The following PDE10A variants were observed in gnomAD, a reference collection of about 807,000 sequenced individuals.
PDE10A encodes the protein cAMP and cAMP-inhibited cGMP 3',5'-cyclic phosphodiesterase 10A.
PDE10A carries 39 observed loss-of-function variants against 97.7 expected under a neutral mutation model. That is an observed-to-expected ratio of 0.40 (90% CI 0.31 to 0.52). The LOEUF (loss-of-function observed/expected upper bound fraction) is 0.52, where lower values mean the gene tolerates loss of function less well. PDE10A is among the 20% of genes least tolerant of loss of function. The probability of loss-of-function intolerance (pLI) is 0.56; values close to 1 mark genes in which losing one functional copy is unlikely to be tolerated. For synonymous variants in PDE10A, 371 were observed against 376.8 expected (o/e 0.98, Z 0.18); for missense variants, 731 against 1,047.8 (o/e 0.70, Z 4.17).
intron 1 of PDE10A, among the ~76,000 whole-genome samples, chr6:165,686,128 T>C (rs990751442): frequency 1.7e-4 from 14 of 83,816 alleles, no homozygotes; most frequent in Non-Finnish European, 2.8e-4. Flanking sequence ...TAAATGTGCA[T>C]GGACACACAC....
chr6:165,898,849 G>A (rs1401609859), intron 1 of PDE10A, among the ~76,000 whole-genome samples: 2 of 152,162 alleles, frequency 1.3e-5, no homozygotes, highest in Non-Finnish European at 2.9e-5. Context: ...ACTCGGCCAA[G>A]TGCTGTCCCT....
chr6:165,791,637 C>T (rs62427294), intron 1 of PDE10A, among the ~76,000 whole-genome samples: 22,326 of 152,124 alleles, frequency 0.15, 1,876 homozygotes, highest in Non-Finnish European at 0.2. Flanking sequence ...AGACACGGCT[C>T]GTTTCTAGGG....
At chr6:165,755,554 G>A (rs73030249) in intron 1 of PDE10A, among the ~76,000 whole-genome samples, 2 of 152,148 alleles carry the variant, frequency 1.3e-5, no homozygotes, top group Admixed American at 1.3e-4. Flanking sequence ...TCAAATAAGC[G>A]TCAAAGCTGT....
intron 1 of PDE10A, among the ~76,000 whole-genome samples, chr6:165,938,062 A>C (rs1458012386): frequency 6.6e-6 from 1 of 152,228 alleles, no homozygotes; most frequent in Non-Finnish European, 1.5e-5. Context: ...CCAAAGCTGG[A>C]CTGTCAGTAT....
At chr6:165,612,377 AT>A (rs200018373) in intron 1 of PDE10A, among the ~76,000 whole-genome samples, 19,379 of 147,868 alleles carry the variant, frequency 0.13, 1,250 homozygotes, top group East Asian at 0.19. Context: ...ATAAACACAG[AT>A]TTTTTTTTTT....
chr6:165,476,173 A>AT (rs1779284396), intron 3 of PDE10A, among the ~76,000 whole-genome samples: 4 of 152,232 alleles, frequency 2.6e-5, no homozygotes, highest in Non-Finnish European at 5.9e-5. Context: ...GAAGAAAAAA[A>AT]AAAACCAAAA....
At chr6:165,619,424 GTAGTATAGTGTAGTGTAGTATAGTC>G (rs1562634820) in intron 1 of PDE10A, among the ~76,000 whole-genome samples, 3 of 113,286 alleles carry the variant, frequency 2.6e-5, no homozygotes, top group East Asian at 2.4e-4. Context: ...GTAGTGTAGT[GTAGTATAGTGTAGTGTAGTATAGTC>G]TAGTGTAGTG....
In PDE10A at chr6:165,711,453, G is replaced by C. The variant is rs1196087430; in HGVS notation, c.-614-167885C>G. On this transcript the variant is annotated intron_variant, in intron 1 of 19. Coordinates refer to the PDE10A transcript ENST00000366882. The surrounding 1 kb of genome is among the most constrained non-coding windows in gnomAD (Gnocchi z 4.5). The stretch of plus-strand genomic sequence containing the variant: ...ATGTTAGCTAGAACACCCTGCTTCT[G>C]GTCTTGTCTGGTGGACTCTGCGAGT... Among the ~76,000 whole-genome samples the C allele has an allele frequency of 6.6e-6, 1 of 152,184 alleles. No homozygotes were observed. The highest frequency in any genetic ancestry group is 1.5e-5 in the Non-Finnish European group (1 of 68,022).
Position 165,532,336 on chromosome 6 carries a change from G to C in PDE10A, c.994+11104C>G, listed in dbSNP as rs539593153. On this transcript the variant is annotated intron_variant, in intron 2 of 21. Coordinates refer to ENST00000539869, the MANE Select transcript of PDE10A (RefSeq NM_001385079.1). ...CTATTGCTAGATAAGCGCATATCTA[G>C]TATGTGCGTAACGCTTGCTAAGCAT... Among the ~76,000 whole-genome samples, 62 of 151,296 alleles carry C rather than the reference G, an allele frequency of 4.1e-4. 1 individual carries two copies. In the South Asian group the frequency reaches 0.012, roughly 29 times the overall value.
chr6:165,416,836 A>C lies in PDE10A; in HGVS notation c.1797-555T>G, dbSNP rs573053856. ...TTCAAGCACTATACAGAAATAACGCAATGTACAACTTCTAGTATTTTTACC... is the reference window on the plus strand; with the variant it reads ...TTCAAGCACTATACAGAAATAACGCCATGTACAACTTCTAGTATTTTTACC... On this transcript the variant is annotated intron_variant, in intron 11 of 21. Transcript: ENST00000539869. 2.6e-5 allele frequency among the ~76,000 whole-genome samples: 4 copies of C among 152,348 alleles called. No homozygotes were observed. In the East Asian group the frequency reaches 7.7e-4, roughly 29 times the overall value.
intron 3 of PDE10A, among the ~76,000 whole-genome samples, chr6:165,466,052 T>C (rs190312019): frequency 2.6e-5 from 4 of 152,290 alleles, no homozygotes; most frequent in African/African-American, 9.6e-5. Context: ...CATGTCGAAG[T>C]AGAAAGCACA....
At chr6:165,953,927 T>C (rs991652698) in intron 1 of PDE10A, among the ~76,000 whole-genome samples, 2 of 152,146 alleles carry the variant, frequency 1.3e-5, no homozygotes, top group Non-Finnish European at 2.9e-5. Flanking sequence ...CATCTCTCCA[T>C]CCTCCCGAGC....
At position 165,460,121 on chromosome 6, in the gene PDE10A, G is replaced by T. The variant is rs144317781; in HGVS notation, c.1024-9759C>A. Reference sequence around the variant, plus strand: ...ACAATGTCTGTCTCCTGCCACAGCCGGTAGTGCCGCAGTAGATTTATGCTG... The same window carrying T: ...ACAATGTCTGTCTCCTGCCACAGCCTGTAGTGCCGCAGTAGATTTATGCTG... On this transcript the variant is annotated intron_variant, in intron 3 of 21. Coordinates refer to ENST00000539869, the MANE Select transcript of PDE10A (RefSeq NM_001385079.1). Among the ~76,000 whole-genome samples the T allele has an allele frequency of 7.4e-3, 1,129 of 152,292 alleles. 5 individuals carry two copies. Among genetic ancestry groups the T allele is most frequent in the African/African-American group, 0.026 (1,082 of 41,554 alleles).
At chr6:165,839,936 T>TC (rs149203848) in intron 1 of PDE10A, among the ~76,000 whole-genome samples, 11 of 29,050 alleles carry the variant, frequency 3.8e-4, no homozygotes, top group African/African-American at 4.6e-4. Flanking sequence ...TCTCCATTCT[T>TC]ATCTTCATTT....
At chr6:165,504,972 G>A (rs1435468586) in intron 2 of PDE10A, among the ~76,000 whole-genome samples, 2 of 152,140 alleles carry the variant, frequency 1.3e-5, no homozygotes, top group Non-Finnish European at 2.9e-5. Context: ...CTTTCCTGAG[G>A]AGTATCAATC....
intron 1 of PDE10A, among the ~76,000 whole-genome samples, chr6:165,917,978 A>G (rs968576635): frequency 6.6e-6 from 1 of 152,232 alleles, no homozygotes; most frequent in Non-Finnish European, 1.5e-5. Context: ...CAAATGGTTG[A>G]TAAATACTGG....
chr6:165,865,051 G>C (rs1781002905), intron 1 of PDE10A, among the ~76,000 whole-genome samples: 1 of 152,156 alleles, frequency 6.6e-6, no homozygotes, highest in Non-Finnish European at 1.5e-5. Flanking sequence ...TCAAGAACCA[G>C]ACTGCTCAGC....
intron 2 of PDE10A, among the ~76,000 whole-genome samples, chr6:165,489,060 T>C (rs1780079726): frequency 6.6e-6 from 1 of 152,120 alleles, no homozygotes; most frequent in Non-Finnish European, 1.5e-5. Flanking sequence ...AAGGCGACCC[T>C]AGGGCGAGCT....
intron 1 of PDE10A, among the ~76,000 whole-genome samples, chr6:165,841,912 T>G (rs1478306657): frequency 1.3e-5 from 2 of 152,248 alleles, no homozygotes; most frequent in Non-Finnish European, 2.9e-5. Context: ...CTTTTCATTT[T>G]TATTGTGATT....
Sources: gnomAD v4.1 joint callset for allele counts (sites outside exome capture counted in the v4.1 genomes callset) on GRCh38, gnomAD v4.1.1 for gene constraint, Gnocchi (gnomAD v3.1) non-coding constraint, MANE v1.5 for transcripts, NCBI Gene and HGNC (gene_info 2026-07-23, HGNC 2026-07-21) for gene names.